The following DLGAP2 variants were observed in gnomAD, a reference collection of about 807,000 sequenced individuals.
The protein encoded by DLGAP2 is DLG associated protein 2.
Under a neutral mutation model 100.3 loss-of-function variants are expected in DLGAP2, and 26 were observed. The observed-to-expected ratio is 0.26, with a 90% CI of 0.19 to 0.36. The LOEUF (loss-of-function observed/expected upper bound fraction) is 0.36. Among genes scored for constraint, DLGAP2 ranks in the 10% least tolerant of loss-of-function variants. DLGAP2 has a pLI of 1.00. For synonymous variants in DLGAP2, 886 were observed against 630.1 expected (o/e 1.41, Z -6.08); for missense variants, 1,858 against 1,453.2 (o/e 1.28, Z -4.53).
intron 4 of DLGAP2, among the ~76,000 whole-genome samples, chr8:1,545,863 A>C (rs1801517499): frequency 1.3e-5 from 2 of 152,212 alleles, no homozygotes; most frequent in African/African-American, 4.8e-5. Flanking sequence ...CTTCTAGGCT[A>C]AACATTAGGC....
intron 2 of DLGAP2, among the ~76,000 whole-genome samples, chr8:1,085,267 TTATCAGATG>T (rs1434880341): frequency 6.6e-6 from 1 of 151,794 alleles, no homozygotes; most frequent in Non-Finnish European, 1.5e-5. Flanking sequence ...TATTAATCCC[TTATCAGATG>T]TATGGCTTGC....
rs151224335 is a variant in DLGAP2, at chr8:1,450,533, C to T, written c.107-50833C>T. Among the ~76,000 whole-genome samples the T allele has an allele frequency of 6.7e-4, 101 of 151,760 alleles. No homozygotes were observed. In the East Asian group the frequency reaches 9.7e-3, roughly 15 times the overall value. ...TGAGGCGGAGCTGTGAGGACACATC[C>T]ATAATTAAGGCACTGCGGGGCTGGC... is the stretch of plus-strand genomic sequence containing the variant. On this transcript the variant is annotated intron_variant, in intron 3 of 14. Transcript: ENST00000637795.
chr8:1,316,028 C>T (rs375090992), intron 3 of DLGAP2, among the ~76,000 whole-genome samples: 2 of 138,556 alleles, frequency 1.4e-5, no homozygotes, highest in East Asian at 2.1e-4. Context: ...GGTCTACACT[C>T]GAGACACTTG....
At chr8:1,560,467 A>C (rs889735649) in intron 5 of DLGAP2, among the ~76,000 whole-genome samples, 1 of 152,122 alleles carries the variant, frequency 6.6e-6, no homozygotes, top group African/African-American at 2.4e-5. Flanking sequence ...GCCATCCCCT[A>C]TGATACAGTA....
intron 3 of DLGAP2, among the ~76,000 whole-genome samples, chr8:1,497,003 G>C (rs1180946383): frequency 6.6e-6 from 1 of 152,068 alleles, no homozygotes; most frequent in Non-Finnish European, 1.5e-5. Context: ...GGTTTACGGG[G>C]TCTCCAGGTC....
At chr8:1,357,826 G>A (rs1801891689) in intron 3 of DLGAP2, among the ~76,000 whole-genome samples, 1 of 152,148 alleles carries the variant, frequency 6.6e-6, no homozygotes, top group East Asian at 1.9e-4. Flanking sequence ...TCAGGGCTGT[G>A]GGCCTCAGAG....
intron 6 of DLGAP2, among the ~76,000 whole-genome samples, chr8:1,580,203 G>A (rs1298089490): frequency 1.3e-5 from 2 of 152,158 alleles, no homozygotes; most frequent in African/African-American, 2.4e-5. Context: ...CAGAGAAAAC[G>A]TGAAAGTAAC....
intron 1 of DLGAP2, among the ~76,000 whole-genome samples, chr8:848,835 G>A (rs1797119851): frequency 6.6e-6 from 1 of 151,804 alleles, no homozygotes; most frequent in African/African-American, 2.4e-5. Context: ...TCCAGTCTAG[G>A]ATCTTGTGAT....
chr8:949,637 C>A (rs2129007408), intron 2 of DLGAP2, among the ~76,000 whole-genome samples: 1 of 152,320 alleles, frequency 6.6e-6, no homozygotes, highest in South Asian at 2.1e-4. Flanking sequence ...GTGGGTCACT[C>A]TTTTTCTGGC....
chr8:1,548,769 G>A lies in DLGAP2; in HGVS notation c.316G>A (p.Asp106Asn), dbSNP rs1460678970. The part of the protein sequence containing the change: ...GHTCGLAPPE[D>N]CEHLHHGPDA... ...CACGTGTGGTCTGGCGCCCCCGGAG[G>A]ACTGCGAGCACCTGCACCACGGGCC... The change falls in exon 5 of 15, where the codon GAC (aspartate) becomes AAC (asparagine). Residue 106 changes from aspartate to asparagine, a missense_variant. By Grantham distance (23) the Asp-to-Asn change is conservative. Coordinates refer to ENST00000637795, the MANE Select transcript of DLGAP2 (RefSeq NM_001346810.2). 8 of 1,598,718 alleles carry A rather than the reference G, an allele frequency of 5.0e-6. No individual in the cohort carries two copies. The highest frequency in any genetic ancestry group is 4.5e-5 in the East Asian group (2 of 44,326).
At chr8:1,156,655 C>T (rs113527184) in intron 2 of DLGAP2, among the ~76,000 whole-genome samples, 31 of 12,740 alleles carry the variant, frequency 2.4e-3, no homozygotes, top group East Asian at 0.013. Flanking sequence ...GCGCCCCAGC[C>T]CAGCGCCCCA....
intron 1 of DLGAP2, among the ~76,000 whole-genome samples, chr8:827,965 C>G (rs1796712840): frequency 2.6e-5 from 4 of 152,026 alleles, no homozygotes; most frequent in Non-Finnish European, 5.9e-5. Flanking sequence ...CCGTGATGCC[C>G]CACAAGCCAC....
Position 1,669,772 on chromosome 8 carries a change from C to T in DLGAP2, c.2190C>T (p.Tyr730=). The T allele has an allele frequency of 2.6e-6, 2 of 780,924 alleles. No individual in the cohort carries two copies. The highest frequency in any genetic ancestry group is 2.4e-5 in the East Asian group (1 of 41,238). The allele number at this position is 780,924 out of a possible 1,614,324, so 48.4% of individuals were successfully genotyped here. A position where few individuals can be genotyped will look rare whatever the true frequency, so the allele number is the denominator to read the frequency against. The part of the protein sequence containing the change: ...QDSEFPEHQP[Y]PRSDVETATD... ...CTGAATTCCCAGAGCATCAGCCATACCCAAGGTCAGATGTAAGTACCGAAA... is the reference window on the plus strand; with the variant it reads ...CTGAATTCCCAGAGCATCAGCCATATCCAAGGTCAGATGTAAGTACCGAAA... The change falls in exon 10 of 15, where the codon TAC becomes TAT. Residue 730 remains tyrosine (Y), a synonymous_variant. Transcript: ENST00000637795.
intron 2 of DLGAP2, among the ~76,000 whole-genome samples, chr8:1,254,333 C>T (rs1353119671): frequency 6.6e-6 from 1 of 152,170 alleles, no homozygotes; most frequent in Non-Finnish European, 1.5e-5. Context: ...CTCGTGGTCT[C>T]CTCCACGTGG....
Position 1,280,638 on chromosome 8 carries a change from G to A in DLGAP2, c.106+21755G>A, listed in dbSNP as rs145066560. Among the ~76,000 whole-genome samples, 146 of 152,312 alleles carry A rather than the reference G, an allele frequency of 9.6e-4. 1 individual carries two copies. The highest frequency in any genetic ancestry group is 3.1e-3 in the African/African-American group (128 of 41,580). Reference sequence around the variant, plus strand: ...TGTTCAATGAAGAATGGGAAGACCCGCTGCCACCAGGGCCCATGTGAGCAG... The same window carrying A: ...TGTTCAATGAAGAATGGGAAGACCCACTGCCACCAGGGCCCATGTGAGCAG... On this transcript the variant is annotated intron_variant, in intron 3 of 14. Transcript: ENST00000637795.
chr8:1,064,676 C>T (rs1419559309), intron 2 of DLGAP2, among the ~76,000 whole-genome samples: 2 of 152,216 alleles, frequency 1.3e-5, no homozygotes, highest in Non-Finnish European at 2.9e-5. Flanking sequence ...TCGCTGTCAA[C>T]ACGGGCTGAA....
intron 1 of DLGAP2, among the ~76,000 whole-genome samples, chr8:765,708 G>A (rs1821194264): frequency 6.6e-6 from 1 of 152,250 alleles, no homozygotes; most frequent in Middle Eastern, 3.4e-3. Context: ...TCAGCAACAT[G>A]GTGCCTTCAC....
At chr8:840,037 A>T (rs1478185295) in intron 1 of DLGAP2, among the ~76,000 whole-genome samples, 1 of 108,424 alleles carries the variant, frequency 9.2e-6, no homozygotes, top group Non-Finnish European at 1.9e-5. Flanking sequence ...GAGCGCGTCC[A>T]CACGGTGCAC....
intron 1 of DLGAP2, among the ~76,000 whole-genome samples, chr8:898,311 C>A (rs367898280): frequency 1.6e-4 from 25 of 152,128 alleles, no homozygotes; most frequent in African/African-American, 5.3e-4. Context: ...ACCCAAGAGG[C>A]CTTGGGGTGA....
Sources: gnomAD v4.1 joint callset for allele counts (sites outside exome capture counted in the v4.1 genomes callset) on GRCh38, gnomAD v4.1.1 for gene constraint, MANE v1.5 for transcripts, NCBI Gene and HGNC (gene_info 2026-07-23, HGNC 2026-07-21) for gene names.